Variants in CACNA2D3 observed in about 807,000 individuals in gnomAD.
The protein encoded by CACNA2D3 is voltage-dependent calcium channel subunit alpha-2/delta-3.
A neutral mutation model predicts 160.6 loss-of-function variants in CACNA2D3; 60 were observed. The observed-to-expected ratio is 0.37, with a 90% CI of 0.30 to 0.46. The LOEUF (loss-of-function observed/expected upper bound fraction) is 0.46, where lower values mean the gene tolerates loss of function less well. Among genes scored for constraint, CACNA2D3 ranks in the 20% least tolerant of loss-of-function variants. The probability of loss-of-function intolerance (pLI) is 1.00; values close to 1 mark genes in which losing one functional copy is unlikely to be tolerated. For missense variants in CACNA2D3, 1,205 were observed against 1,365.0 expected, an observed-to-expected ratio of 0.88 and a Z score of 1.85; for synonymous variants, 558 against 492.9, an observed-to-expected ratio of 1.13 and a Z score of -1.75.
At position 54,122,601 on chromosome 3, in the gene CACNA2D3, G is replaced by GGCGGC. The variant is rs1430283449; in HGVS notation, c.-108_-104dup. On this transcript the variant is annotated 5_prime_UTR_variant, in exon 1 of 38. Coordinates refer to ENST00000474759, the MANE Select transcript of CACNA2D3 (RefSeq NM_018398.3). The stretch of plus-strand genomic sequence containing the variant: ...AGCCGGGCGCGCGAGAGGCAGGCGG[G>GGCGGC]GCGGCGCGGAGCGGAGCAGGCAGCC... The GGCGGC allele has an allele frequency of 8.3e-6, 5 of 604,382 alleles. No homozygotes were observed. The highest frequency in any genetic ancestry group is 1.0e-5 in the Non-Finnish European group (5 of 485,264). 37.4% of individuals were successfully genotyped at this position (604,382 alleles called of 1,614,324 possible). A position where few individuals can be genotyped will look rare whatever the true frequency, so the allele number is the denominator to read the frequency against.
chr3:54,369,503 C>CTGG, intron 3 of CACNA2D3, among the ~76,000 whole-genome samples: 1 of 152,178 alleles, frequency 6.6e-6, no homozygotes, highest in Admixed American at 6.5e-5. Context: ...CACTGGACCC[C>CTGG]AGCCTCTGAC....
chr3:54,626,708 A>T (rs946856551), intron 9 of CACNA2D3: 1 of 684,988 alleles, frequency 1.5e-6, no homozygotes, highest in Non-Finnish European at 2.4e-6. Flanking sequence ...AAAAAAAAAA[A>T]AGAAAGAAAA....
At chr3:54,719,741 G>A (rs1172546116) in intron 11 of CACNA2D3, among the ~76,000 whole-genome samples, 1 of 151,994 alleles carries the variant, frequency 6.6e-6, no homozygotes, top group East Asian at 1.9e-4. Flanking sequence ...TAATTGTATG[G>A]AAGAATTCAA....
intron 17 of CACNA2D3, among the ~76,000 whole-genome samples, chr3:54,861,079 G>C (rs1312535776): frequency 6.6e-6 from 1 of 152,130 alleles, no homozygotes; most frequent in Admixed American, 6.5e-5. Context: ...TGGTGAACCT[G>C]AAATAGTCTT....
At chr3:54,807,373 C>A (rs1703159912) in intron 13 of CACNA2D3, among the ~76,000 whole-genome samples, 1 of 152,130 alleles carries the variant, frequency 6.6e-6, no homozygotes, top group Non-Finnish European at 1.5e-5. Flanking sequence ...AAACAAACAA[C>A]CCCATCAAAA....
rs566826801 is a variant in CACNA2D3 at position 54,210,645 on chromosome 3, C to G, written c.204+87051C>G. Among the ~76,000 whole-genome samples, 15 of 152,234 alleles carry G rather than the reference C, an allele frequency of 9.9e-5. No individual in the cohort carries two copies. The East Asian group carries it at 2.3e-3, about 24-fold the overall frequency. ...ACAGTGAAATGCGGGCCATCATGTCCTGGAGGGAAGTGTCCTGGGATTGGC... is the reference window on the plus strand; with the variant it reads ...ACAGTGAAATGCGGGCCATCATGTCGTGGAGGGAAGTGTCCTGGGATTGGC... On this transcript the variant is annotated intron_variant, in intron 2 of 37. Transcript: ENST00000474759.
intron 9 of CACNA2D3, among the ~76,000 whole-genome samples, chr3:54,591,845 C>T (rs1702866569): frequency 8.8e-6 from 1 of 113,488 alleles, no homozygotes; most frequent in Non-Finnish European, 2.0e-5. Context: ...ATCATCGATG[C>T]TAGTCTTCTG....
chr3:54,816,482 C>G (rs115709235), intron 13 of CACNA2D3, among the ~76,000 whole-genome samples: 1 of 152,260 alleles, frequency 6.6e-6, no homozygotes, highest in African/African-American at 2.4e-5. Context: ...AGATGGCCCT[C>G]ATCCAGTTGA....
At chr3:54,494,031 A>G (rs1701158775) in intron 4 of CACNA2D3, among the ~76,000 whole-genome samples, 1 of 152,224 alleles carries the variant, frequency 6.6e-6, no homozygotes, top group Non-Finnish European at 1.5e-5. Context: ...CACACCCAGT[A>G]CTTTGTCTCT....
intron 9 of CACNA2D3, among the ~76,000 whole-genome samples, chr3:54,619,730 A>C (rs1698940348): frequency 1.3e-5 from 2 of 152,158 alleles, no homozygotes. Context: ...GAATTAAATG[A>C]CAGTCTGATT....
At chr3:54,444,649 CCT>C (rs902679280) in intron 4 of CACNA2D3, among the ~76,000 whole-genome samples, 10 of 152,048 alleles carry the variant, frequency 6.6e-5, no homozygotes, top group Non-Finnish European at 1.3e-4. Flanking sequence ...TCAAACATCT[CCT>C]CTCTAGAGGC....
At chr3:54,833,407 A>G (rs892808631) in intron 14 of CACNA2D3, among the ~76,000 whole-genome samples, 6 of 152,126 alleles carry the variant, frequency 3.9e-5, no homozygotes, top group African/African-American at 1.2e-4. Context: ...TGGAAAATGA[A>G]TGTTGACTCT....
intron 14 of CACNA2D3, among the ~76,000 whole-genome samples, chr3:54,820,372 A>T (rs781317048): frequency 6.6e-6 from 1 of 152,166 alleles, no homozygotes; most frequent in East Asian, 1.9e-4. Flanking sequence ...TCATGATTCT[A>T]ATATTTTGAG....
chr3:55,016,424 T>C (rs893123601), intron 34 of CACNA2D3, among the ~76,000 whole-genome samples: 1 of 152,194 alleles, frequency 6.6e-6, no homozygotes, highest in Non-Finnish European at 1.5e-5. Context: ...AGATGTAAAA[T>C]GGTTAAAAGC....
Position 54,123,500 on chromosome 3 carries a change from C to G in CACNA2D3, c.123-13C>G. On this transcript the variant is annotated splice_polypyrimidine_tract_variant and intron_variant, in intron 1 of 37. Transcript: ENST00000474759. ...GGGTGTTACATATCTTCCTGTGCCC[C>G]TTCTCCCTGTAGGGTGAAGCTCTGG... The G allele has an allele frequency of 3.1e-6, 5 of 1,609,542 alleles. No homozygotes were observed. Among genetic ancestry groups the G allele is most frequent in the Non-Finnish European group, 4.3e-6 (5 of 1,175,828 alleles).
In CACNA2D3 at chr3:54,751,596, A is replaced by G. The variant is rs571728870; in HGVS notation, c.1168-1003A>G. On this transcript the variant is annotated intron_variant, in intron 11 of 37. Transcript: ENST00000474759. ...CTCTAGTGGAGCAGATCGACTTCAC[A>G]GACCAGCTACACAAAATGCTAGCTA... Among the ~76,000 whole-genome samples the G allele has an allele frequency of 1.7e-4, 26 of 152,320 alleles. No homozygotes were observed. The South Asian group carries it at 5.4e-3, about 32-fold the overall frequency.
chr3:54,404,381 C>A (rs1699532153), intron 4 of CACNA2D3, among the ~76,000 whole-genome samples: 1 of 152,080 alleles, frequency 6.6e-6, no homozygotes, highest in South Asian at 2.1e-4. Flanking sequence ...CAGACAAAAA[C>A]CACACGATCA....
intron 29 of CACNA2D3, among the ~76,000 whole-genome samples, chr3:54,982,532 A>T (rs1283094461): frequency 6.6e-6 from 1 of 152,074 alleles, no homozygotes; most frequent in Non-Finnish European, 1.5e-5. Flanking sequence ...TTCACCAGAA[A>T]GATGTTACTG....
intron 5 of CACNA2D3, among the ~76,000 whole-genome samples, chr3:54,532,676 T>C (rs762621507): frequency 2.2e-4 from 34 of 152,226 alleles, no homozygotes; most frequent in Non-Finnish European, 4.0e-4. Context: ...ATACATACCA[T>C]ACATTTTCTT....
Sources: gnomAD v4.1 joint callset for allele counts (sites outside exome capture counted in the v4.1 genomes callset) on GRCh38, gnomAD v4.1.1 for gene constraint, MANE v1.5 for transcripts, NCBI Gene and HGNC (gene_info 2026-07-23, HGNC 2026-07-21) for gene names.